Variants in ABCA9 observed in about 807,000 individuals in gnomAD.
The protein encoded by ABCA9 is ATP binding cassette subfamily A member 9.
Under a neutral mutation model 205.3 loss-of-function variants are expected in ABCA9, and 183 were observed. The observed-to-expected ratio is 0.89, with a 90% CI of 0.79 to 1.01. The LOEUF (loss-of-function observed/expected upper bound fraction) is 1.01. Among genes scored for constraint, ABCA9 ranks in the 50% least tolerant of loss-of-function variants. The pLI, the probability that ABCA9 is intolerant of heterozygous loss-of-function variation, is 0.00. For synonymous variants in ABCA9, 651 were observed against 683.3 expected, an observed-to-expected ratio of 0.95 and a Z score of 0.74; for missense variants, 1,805 against 1,912.4, an observed-to-expected ratio of 0.94 and a Z score of 1.05.
At chr17:69,017,890 G>T in intron 20 of ABCA9, 101 bp from the exon 21 acceptor site, 1 of 1,339,356 alleles carries the variant, frequency 7.5e-7, no homozygotes, top group South Asian at 1.3e-5. Flanking sequence ...CACACAAAAG[G>T]ACTGTCTAAG....
At chr17:69,010,378 G>C (rs983810316) in intron 23 of ABCA9, among the ~76,000 whole-genome samples, 2 of 152,046 alleles carry the variant, frequency 1.3e-5, no homozygotes, top group African/African-American at 4.8e-5. Context: ...GAGCATTCCA[G>C]CCAGAAGAAA....
intron 31 of ABCA9, 63 bp downstream of exon 31, chr17:68,988,964 T>C: frequency 1.0e-6 from 1 of 1,002,648 alleles, no homozygotes; most frequent in East Asian, 2.4e-5. Flanking sequence ...ACATAGTCTA[T>C]TATTGCCATC....
intron 33 of ABCA9, 31 bp downstream of exon 33, chr17:68,985,022 C>A (rs1252935695): frequency 1.9e-6 from 3 of 1,614,110 alleles, no homozygotes; most frequent in Non-Finnish European, 2.5e-6. Context: ...ATCTACGGCA[C>A]TTGCAGAGCA....
At chr17:68,977,480 G>A (rs769992278) in intron 37 of ABCA9, among the ~76,000 whole-genome samples, 7 of 152,176 alleles carry the variant, frequency 4.6e-5, no homozygotes, top group Non-Finnish European at 1.0e-4. Context: ...ATTCGTTTAT[G>A]AGTCATGGAG....
intron 37 of ABCA9, among the ~76,000 whole-genome samples, chr17:68,978,064 G>C (rs567386706): frequency 1.8e-4 from 27 of 152,222 alleles, no homozygotes; most frequent in African/African-American, 6.5e-4. Flanking sequence ...GTTGACAGTG[G>C]GGTGTTAAAG....
At chr17:69,036,898 A>AAAAAAAAAAG (rs2071359813) in intron 6 of ABCA9, among the ~76,000 whole-genome samples, 3 of 121,664 alleles carry the variant, frequency 2.5e-5, no homozygotes, top group African/African-American at 5.7e-5. Context: ...AAAAAAAAAA[A>AAAAAAAAAAG]GCAGAGGTTG....
chr17:69,047,434 TAA>T (rs2071754027), intron 3 of ABCA9, among the ~76,000 whole-genome samples: 1 of 151,442 alleles, frequency 6.6e-6, no homozygotes, highest in African/African-American at 2.4e-5. Context: ...GCAGGAAATA[TAA>T]GAAAAACAAG....
chr17:69,020,056 A>G (rs1004219053), intron 19 of ABCA9: 1 of 207,846 alleles, frequency 4.8e-6, no homozygotes, highest in African/African-American at 2.3e-5. Context: ...CCTGACAGCT[A>G]CAGATTTTGA....
At chr17:69,058,836 C>CAAAA (rs34009101) in intron 1 of ABCA9, among the ~76,000 whole-genome samples, 1 of 127,344 alleles carries the variant, frequency 7.9e-6, no homozygotes, top group Non-Finnish European at 1.7e-5. Context: ...GAGACTGTCT[C>CAAAA]AAAAAAAAAA....
At chr17:69,006,444 C>T (rs1370275882) in intron 25 of ABCA9, among the ~76,000 whole-genome samples, 1 of 152,200 alleles carries the variant, frequency 6.6e-6, no homozygotes, top group Non-Finnish European at 1.5e-5. Context: ...TAGACTATTA[C>T]AGCAATGAAA....
intron 6 of ABCA9, among the ~76,000 whole-genome samples, chr17:69,040,897 A>G (rs1318634495): frequency 6.7e-6 from 1 of 150,244 alleles, no homozygotes; most frequent in African/African-American, 2.4e-5. Flanking sequence ...ATCAATGCCA[A>G]ATAAACAGGA....
chr17:68,996,684 T>C (rs73366002), intron 25 of ABCA9, among the ~76,000 whole-genome samples: 2,075 of 152,354 alleles, frequency 0.014, 38 homozygotes, highest in African/African-American at 0.045. Context: ...ATATTATTTA[T>C]TGTAGGCATC....
At chr17:68,997,776 T>C (rs2144084472) in intron 25 of ABCA9, among the ~76,000 whole-genome samples, 1 of 152,326 alleles carries the variant, frequency 6.6e-6, no homozygotes, top group East Asian at 1.9e-4. Flanking sequence ...TTTGTTAGAA[T>C]TGATGAGCCT....
At position 69,033,829 on chromosome 17, in the gene ABCA9, ATCCAAGTGGGCATTAGAAT is replaced by A. The variant is rs755835038; in HGVS notation, c.1154_1172del (p.Asn385IlefsTer9). ...TTATGAGGTATGGATTTTGTGAAGA[ATCCAAGTGGGCATTAGAAT>A]TCACATCATAGTCCAAATGTATAAG... On this transcript the variant is annotated frameshift_variant, in exon 9 of 39. Transcript: ENST00000340001. LOFTEE classifies it high-confidence loss of function. The A allele has an allele frequency of 1.9e-6, 3 of 1,608,524 alleles. No individual in the cohort carries two copies. The South Asian group carries it at 3.3e-5, about 18-fold the overall frequency.
chr17:68,984,285 C>T (rs541193696), intron 34 of ABCA9, 110 bp from the exon 35 acceptor site: 2 of 1,481,612 alleles, frequency 1.3e-6, no homozygotes, highest in Non-Finnish European at 1.8e-6. Flanking sequence ...CGAATTCAGA[C>T]TAGACAAAAA....
In ABCA9 at chr17:69,016,947, T is replaced by G. The variant is rs188662977; in HGVS notation, c.2902-557A>C. Among the ~76,000 whole-genome samples, 86 of 152,252 alleles carry G rather than the reference T, an allele frequency of 5.6e-4. 1 individual carries two copies. Among genetic ancestry groups the G allele is most frequent in the Non-Finnish European group, 8.7e-4 (59 of 68,000 alleles). On this transcript the variant is annotated intron_variant, in intron 21 of 38. Transcript: ENST00000340001. ...TATTGCCCAAAATGTGGGCAAGCTT[T>G]GAGAACACATTTTTGCAATCATAAA... is the stretch of plus-strand genomic sequence containing the variant.
intron 9 of ABCA9, 28 bp downstream of exon 9, chr17:69,033,698 G>C: frequency 6.4e-7 from 1 of 1,551,424 alleles, no homozygotes; most frequent in Non-Finnish European, 8.8e-7. Context: ...TTGAAATTGT[G>C]TTAAATTACA....
rs369757443 is a variant in ABCA9, at chr17:69,026,874, G to C, written c.2050+102C>G. On this transcript the variant is annotated intron_variant, in intron 15 of 38. Coordinates refer to ENST00000340001, the MANE Select transcript of ABCA9 (RefSeq NM_080283.4). The stretch of plus-strand genomic sequence containing the variant: ...TAAGAGCAAAATTCTCCTGTCTTGG[G>C]CCATGGCAGTTCCAGGGAGACACAG... 6.0e-5 allele frequency: 85 copies of C among 1,406,004 alleles called. No homozygotes were observed. The East Asian group carries it at 1.9e-3, about 31-fold the overall frequency. 87.1% of individuals were successfully genotyped at this position (1,406,004 alleles called of 1,614,324 possible).
At position 69,029,065 on chromosome 17, in the gene ABCA9, G is replaced by A. The variant is rs528692009; in HGVS notation, c.1504+104C>T. The A allele has an allele frequency of 6.9e-6, 4 of 577,310 alleles. No homozygotes were observed. In the South Asian group the frequency reaches 1.0e-4, roughly 15 times the overall value. 35.8% of individuals were successfully genotyped at this position (577,310 alleles called of 1,614,324 possible). ...AAACATAATGTGTTCAAATAAAGGAGAGACATATCTGGAATATCTGTGCTT... is the reference window on the plus strand; with the variant it reads ...AAACATAATGTGTTCAAATAAAGGAAAGACATATCTGGAATATCTGTGCTT... On this transcript the variant is annotated intron_variant, in intron 11 of 38. Transcript: ENST00000340001.
Sources: gnomAD v4.1 joint callset for allele counts (sites outside exome capture counted in the v4.1 genomes callset) on GRCh38, gnomAD v4.1.1 for gene constraint, MANE v1.5 for transcripts, NCBI Gene and HGNC (gene_info 2026-07-23, HGNC 2026-07-21) for gene names.